ATRNL1: variants seen among roughly 807,000 people sequenced by gnomAD.
ATRNL1 encodes attractin like 1, also known as attractin-like protein 1.
In ATRNL1, 95 loss-of-function variants were observed where a neutral mutation model predicts 182.7. The ratio of observed to expected loss-of-function variants is 0.52; its 90% CI spans 0.44 to 0.62. The LOEUF (loss-of-function observed/expected upper bound fraction) is 0.62. Among genes scored for constraint, ATRNL1 ranks in the 20% least tolerant of loss-of-function variants. ATRNL1 has a pLI of 0.00. For synonymous variants in ATRNL1, 576 were observed against 568.3 expected (o/e 1.01, Z -0.19); for missense variants, 1,471 against 1,679.5 (o/e 0.88, Z 2.17).
chr10:115,419,516 G>A (rs1169676350), intron 20 of ATRNL1, among the ~76,000 whole-genome samples: 1 of 152,130 alleles, frequency 6.6e-6, no homozygotes, highest in East Asian at 1.9e-4. Flanking sequence ...AAACTATGCT[G>A]CCTACAGGAG....
chr10:115,378,432 G>A (rs1229170059), intron 19 of ATRNL1, among the ~76,000 whole-genome samples: 1 of 152,132 alleles, frequency 6.6e-6, no homozygotes, highest in Non-Finnish European at 1.5e-5. Context: ...GGACTCAGAT[G>A]GGCTTGTTTC....
chr10:115,413,900 ATAAT>A (rs1845259908), intron 20 of ATRNL1, among the ~76,000 whole-genome samples: 1 of 152,022 alleles, frequency 6.6e-6, no homozygotes, highest in Admixed American at 6.6e-5. Context: ...TTAGGAAATA[ATAAT>A]TTATTTATGT....
At chr10:115,851,317 C>T (rs578092320) in intron 28 of ATRNL1, among the ~76,000 whole-genome samples, 2 of 151,976 alleles carry the variant, frequency 1.3e-5, no homozygotes, top group South Asian at 4.2e-4. Context: ...CAGAAATGCA[C>T]AGGAGCTAGT....
At chr10:115,763,351 T>G (rs1333907789) in intron 27 of ATRNL1, among the ~76,000 whole-genome samples, 1 of 152,166 alleles carries the variant, frequency 6.6e-6, no homozygotes, top group East Asian at 1.9e-4. Context: ...TGACAGTACA[T>G]ACATAGAGAA....
At chr10:115,580,860 A>G (rs1855026436) in intron 26 of ATRNL1, among the ~76,000 whole-genome samples, 2 of 151,974 alleles carry the variant, frequency 1.3e-5, no homozygotes, top group South Asian at 4.1e-4. Context: ...CAATTCAGTC[A>G]TTGTAATCTT....
chr10:115,122,372 T>C (rs1844777307), intron 3 of ATRNL1, among the ~76,000 whole-genome samples: 1 of 151,822 alleles, frequency 6.6e-6, no homozygotes, highest in Non-Finnish European at 1.5e-5. Context: ...TTAAAAATCT[T>C]TTCTTGTGTA....
At chr10:115,153,047 T>A (rs1554881097) in intron 5 of ATRNL1, among the ~76,000 whole-genome samples, 1 of 152,194 alleles carries the variant, frequency 6.6e-6, no homozygotes, top group African/African-American at 2.4e-5. Flanking sequence ...TGAACTAGCC[T>A]TGCATCTCAG....
intron 27 of ATRNL1, among the ~76,000 whole-genome samples, chr10:115,753,443 G>A (rs1948504388): frequency 6.6e-6 from 1 of 152,212 alleles, no homozygotes; most frequent in Non-Finnish European, 1.5e-5. Context: ...TTCCGTTCTC[G>A]TGTTAGTTTG....
intron 25 of ATRNL1, among the ~76,000 whole-genome samples, chr10:115,537,100 G>T (rs555149068): frequency 1.1e-3 from 175 of 152,266 alleles, no homozygotes; most frequent in Non-Finnish European, 2.3e-3. Context: ...TTTCTCCATG[G>T]TTTTTTTGTG....
intron 25 of ATRNL1, among the ~76,000 whole-genome samples, chr10:115,546,615 A>G (rs1001133826): frequency 1.3e-5 from 2 of 152,108 alleles, no homozygotes; most frequent in Non-Finnish European, 2.9e-5. Context: ...CAAGAGAAGT[A>G]TAACCACTAT....
intron 21 of ATRNL1, among the ~76,000 whole-genome samples, chr10:115,452,520 C>A (rs782229321): frequency 2.0e-5 from 3 of 151,690 alleles, no homozygotes; most frequent in Non-Finnish European, 2.9e-5. Flanking sequence ...TCCCTTTCAC[C>A]ACAGATTTTT....
chr10:115,729,107 C>T (rs1057381865), intron 27 of ATRNL1, among the ~76,000 whole-genome samples: 1 of 152,044 alleles, frequency 6.6e-6, no homozygotes, highest in Non-Finnish European at 1.5e-5. Flanking sequence ...ACTCAAGGAA[C>T]AAATATGACA....
chr10:115,359,020 G>A (rs1856623791), intron 19 of ATRNL1, among the ~76,000 whole-genome samples: 1 of 151,416 alleles, frequency 6.6e-6, no homozygotes. Flanking sequence ...TATTTAAATG[G>A]GTGTTATGTC....
Position 115,586,292 on chromosome 10 carries a change from C to T in ATRNL1, c.3795+36756C>T, listed in dbSNP as rs201684467. 2.3e-3 allele frequency among the ~76,000 whole-genome samples: 138 copies of T among 59,724 alleles called. 4 individuals carry two copies. The highest frequency in any genetic ancestry group is 5.3e-3 in the East Asian group (3 of 568). 39.2% of individuals were successfully genotyped at this position (59,724 alleles called of 152,430 possible). A position where few individuals can be genotyped will look rare whatever the true frequency, so the allele number is the denominator to read the frequency against. ...GTTCTCTGTATTTCCTGAATCTGAA[C>T]GTTGGCCTGCCTTGCTAGATTGGGG... is the stretch of plus-strand genomic sequence containing the variant. On this transcript the variant is annotated intron_variant, in intron 26 of 28. Transcript: ENST00000355044.
intron 26 of ATRNL1, among the ~76,000 whole-genome samples, chr10:115,723,493 T>C (rs1440086030): frequency 2.0e-5 from 3 of 152,118 alleles, no homozygotes; most frequent in Admixed American, 1.3e-4. Context: ...TCACTGACTC[T>C]ACCTGGTTGT....
chr10:115,358,007 TC>T (rs879950188), intron 19 of ATRNL1, among the ~76,000 whole-genome samples: 4 of 151,688 alleles, frequency 2.6e-5, no homozygotes, highest in Non-Finnish European at 5.9e-5. Flanking sequence ...TCCAAACTGA[TC>T]CTGGCTCTGC....
In ATRNL1 at chr10:115,824,901, A is replaced by G. The variant is rs554625946; in HGVS notation, c.3904-22976A>G. 2.6e-5 allele frequency among the ~76,000 whole-genome samples: 4 copies of G among 152,322 alleles called. No homozygotes were observed. The East Asian group carries it at 7.7e-4, about 29-fold the overall frequency. On this transcript the variant is annotated intron_variant, in intron 27 of 28. Transcript: ENST00000355044. ...AATCTCATTACTGGGTATATTCCCA[A>G]AGGAGTTTAAATCATTCTACTATAA...
At chr10:115,382,698 T>G (rs1858091576) in intron 19 of ATRNL1, among the ~76,000 whole-genome samples, 1 of 151,544 alleles carries the variant, frequency 6.6e-6, no homozygotes, top group South Asian at 2.1e-4. Flanking sequence ...TTTGCTTTTT[T>G]TTTTTTTTTT....
At chr10:115,788,131 G>A (rs1031508849) in intron 27 of ATRNL1, among the ~76,000 whole-genome samples, 3 of 152,134 alleles carry the variant, frequency 2.0e-5, no homozygotes, top group Non-Finnish European at 4.4e-5. Context: ...ATTGGCTGCT[G>A]GATTTATATA....
Sources: gnomAD v4.1 joint callset for allele counts (sites outside exome capture counted in the v4.1 genomes callset) on GRCh38, gnomAD v4.1.1 for gene constraint, MANE v1.5 for transcripts, NCBI Gene and HGNC (gene_info 2026-07-23, HGNC 2026-07-21) for gene names.